PDS5B: variants seen among roughly 807,000 people sequenced by gnomAD.
PDS5B encodes the protein sister chromatid cohesion protein PDS5 homolog B.
Under a neutral mutation model 184.1 loss-of-function variants are expected in PDS5B, and 51 were observed. The observed-to-expected ratio is 0.28, with a 90% CI of 0.22 to 0.35. The LOEUF is 0.35. Ranked by LOEUF, PDS5B falls within the 10% of genes least tolerant of loss-of-function variation. The probability of loss-of-function intolerance (pLI) is 1.00; values close to 1 mark genes in which losing one functional copy is unlikely to be tolerated. For missense variants in PDS5B, 1,180 were observed against 1,723.3 expected, an observed-to-expected ratio of 0.68 and a Z score of 5.58; for synonymous variants, 566 against 569.2, an observed-to-expected ratio of 0.99 and a Z score of 0.08.
At chr13:32,669,748 T>C (rs1413541629) in intron 7 of PDS5B, among the ~76,000 whole-genome samples, 3 of 152,224 alleles carry the variant, frequency 2.0e-5, no homozygotes, top group Non-Finnish European at 2.9e-5. Flanking sequence ...CATTGAATTA[T>C]ATACTTTGTC....
intron 16 of PDS5B, among the ~76,000 whole-genome samples, chr13:32,700,084 A>G (rs1951824266): frequency 1.3e-5 from 2 of 152,130 alleles, no homozygotes; most frequent in African/African-American, 4.8e-5. Flanking sequence ...TGTACATTTT[A>G]CTTTTTCATT....
intron 25 of PDS5B, among the ~76,000 whole-genome samples, chr13:32,754,510 A>G (rs1954101555): frequency 6.6e-6 from 1 of 152,210 alleles, no homozygotes; most frequent in Non-Finnish European, 1.5e-5. Context: ...AACAAAACCA[A>G]GGAACATGGT....
At chr13:32,639,344 A>G (rs977137512) in intron 1 of PDS5B, among the ~76,000 whole-genome samples, 2 of 152,204 alleles carry the variant, frequency 1.3e-5, no homozygotes, top group South Asian at 2.1e-4. Flanking sequence ...TATGTATTCA[A>G]AGAAAGGGTC....
At chr13:32,652,316 A>G (rs1205969357) in intron 3 of PDS5B, 1 of 240,088 alleles carries the variant, frequency 4.2e-6, no homozygotes, top group Non-Finnish European at 8.1e-6. Flanking sequence ...ATTGAAGACC[A>G]TGGCCATTAT....
At chr13:32,620,047 C>T (rs2058275275) in intron 1 of PDS5B, among the ~76,000 whole-genome samples, 1 of 152,166 alleles carries the variant, frequency 6.6e-6, no homozygotes, top group Non-Finnish European at 1.5e-5. Flanking sequence ...GATCCACCCG[C>T]CTCGGCCTCC....
chr13:32,677,948 G>C (rs1312935285), intron 9 of PDS5B, among the ~76,000 whole-genome samples: 1 of 151,952 alleles, frequency 6.6e-6, no homozygotes, highest in Non-Finnish European at 1.5e-5. Flanking sequence ...TTGAGAGACA[G>C]CTAAACATCA....
At chr13:32,756,301 T>G (rs762001167) in intron 26 of PDS5B, among the ~76,000 whole-genome samples, 5 of 151,090 alleles carry the variant, frequency 3.3e-5, no homozygotes, top group Non-Finnish European at 7.4e-5. Context: ...CAATTAATCA[T>G]CTTGCTTTTA....
At chr13:32,656,568 T>A (rs1950518883) in intron 3 of PDS5B, among the ~76,000 whole-genome samples, 1 of 151,268 alleles carries the variant, frequency 6.6e-6, no homozygotes, top group Admixed American at 6.6e-5. Context: ...GGTAGCTGTA[T>A]TCCTAGGTAT....
At position 32,707,054 on chromosome 13, in the gene PDS5B, A is replaced by T; in HGVS notation, c.1962+15A>T. 1 of 1,368,226 alleles carries T rather than the reference A, an allele frequency of 7.3e-7. No homozygotes were observed. The highest frequency in any genetic ancestry group is 1.0e-6 in the Non-Finnish European group (1 of 979,242). The allele number at this position is 1,368,226 out of a possible 1,614,324, so 84.8% of individuals were successfully genotyped here. ...AACTGCTTAAGGTAAGTATCTATTT[A>T]AAATTAAGTGCCTAATTAGATATCT... On this transcript the variant is annotated intron_variant, in intron 18 of 34. Transcript: ENST00000315596.
intron 1 of PDS5B, among the ~76,000 whole-genome samples, chr13:32,590,047 T>A (rs1400434469): frequency 6.6e-6 from 1 of 152,210 alleles, no homozygotes; most frequent in Non-Finnish European, 1.5e-5. Flanking sequence ...AAAACTTAGA[T>A]GAATAAAATT....
chr13:32,644,483 C>G (rs1420561511), intron 1 of PDS5B, among the ~76,000 whole-genome samples: 1 of 152,098 alleles, frequency 6.6e-6, no homozygotes, highest in Non-Finnish European at 1.5e-5. Flanking sequence ...GTAAACATAT[C>G]ATCTGTGAAT....
At chr13:32,772,772 T>A (rs997863884) in intron 33 of PDS5B, among the ~76,000 whole-genome samples, 1 of 152,106 alleles carries the variant, frequency 6.6e-6, no homozygotes, top group Non-Finnish European at 1.5e-5. Context: ...ATGGTTTGAA[T>A]TAGGTGGTAG....
chr13:32,698,713 T>C (rs893912100), intron 15 of PDS5B, among the ~76,000 whole-genome samples: 5 of 152,118 alleles, frequency 3.3e-5, no homozygotes, highest in Non-Finnish European at 7.4e-5. Flanking sequence ...TATTTTGGGG[T>C]TCACTCGAAT....
chr13:32,705,258 G>A (rs1566350924), intron 17 of PDS5B, among the ~76,000 whole-genome samples: 1 of 152,152 alleles, frequency 6.6e-6, no homozygotes, highest in Non-Finnish European at 1.5e-5. Context: ...TTTTGGAAAT[G>A]TGATAGTTTT....
In PDS5B at chr13:32,777,159, G is replaced by T. The variant is rs1351853798; in HGVS notation, c.*2107G>T. On this transcript the variant is annotated 3_prime_UTR_variant, in exon 35 of 35. Transcript: ENST00000315596. ...TTATAAAACATACGAAAAAGTGATT[G>T]TGAAGGATTTTTATTTGCATGATTA... 1 of 151,982 alleles carries T rather than the reference G, an allele frequency of 6.6e-6. No individual in the cohort carries two copies. The highest frequency in any genetic ancestry group is 2.4e-5 in the African/African-American group (1 of 41,428). 9.4% of individuals were successfully genotyped at this position (151,982 alleles called of 1,614,324 possible).
intron 13 of PDS5B, among the ~76,000 whole-genome samples, chr13:32,693,627 A>G (rs889976712): frequency 1.3e-5 from 2 of 150,656 alleles, no homozygotes; most frequent in South Asian, 2.1e-4. Context: ...TCTAATCTGT[A>G]ACCAAGTGTT....
Position 32,770,412 on chromosome 13 carries a change from C to T in PDS5B, c.3916C>T (p.Pro1306Ser). ...TGGTGGAGGTACACCAAAAGAAGAG[C>T]CAACAATGAAAACTTCTAAAAAAGG... ...PLGGGTPKEEPTMKTSKKGSK... is the reference protein window; with the variant it reads ...PLGGGTPKEESTMKTSKKGSK... The change falls in exon 32 of 35, where the codon CCA becomes TCA. Residue 1306 changes from proline to serine, a missense_variant. Transcript: ENST00000315596. The T allele has an allele frequency of 6.2e-7, 1 of 1,610,914 alleles. No individual in the cohort carries two copies. The highest frequency in any genetic ancestry group is 1.1e-5 in the South Asian group (1 of 90,674).
At chr13:32,608,691 T>G (rs1204201607) in intron 1 of PDS5B, among the ~76,000 whole-genome samples, 1 of 152,134 alleles carries the variant, frequency 6.6e-6, no homozygotes, top group Non-Finnish European at 1.5e-5. Context: ...CTTCTGAACC[T>G]GCAACTTTGA....
intron 19 of PDS5B, among the ~76,000 whole-genome samples, chr13:32,714,555 T>TG (rs374117520): frequency 3.6e-4 from 55 of 152,222 alleles, no homozygotes; most frequent in Middle Eastern, 3.4e-3. Flanking sequence ...CAGGCGCACC[T>TG]GGGGGGGCTG....
Sources: allele counts gnomAD v4.1 joint callset (sites outside exome capture counted in the v4.1 genomes callset), GRCh38; gene constraint gnomAD v4.1.1; transcripts MANE v1.5; gene names NCBI Gene and HGNC (gene_info 2026-07-23, HGNC 2026-07-21).